MGA: variants seen among roughly 807,000 people sequenced by gnomAD.
MGA encodes MAX dimerization protein MGA.
A neutral mutation model predicts 261.1 loss-of-function variants in MGA; 40 were observed. That is an observed-to-expected ratio of 0.15 (90% CI 0.12 to 0.20). The LOEUF (loss-of-function observed/expected upper bound fraction) is 0.20. Among genes scored for constraint, MGA ranks in the 10% least tolerant of loss-of-function variants. The probability of loss-of-function intolerance (pLI) is 1.00; values close to 1 mark genes in which losing one functional copy is unlikely to be tolerated. For synonymous variants in MGA, 1,302 were observed against 1,290.6 expected (o/e 1.01, Z -0.19); for missense variants, 3,397 against 3,630.5 (o/e 0.94, Z 1.65).
intron 13 of MGA, chr15:41,739,928 A>C: frequency 6.2e-7 from 1 of 1,612,294 alleles, no homozygotes; most frequent in Non-Finnish European, 8.5e-7. Context: ...AGTTACCCGC[A>C]GGCTAAGTTG....
At chr15:41,680,738 G>T (rs2058625059) in intron 2 of MGA, among the ~76,000 whole-genome samples, 1 of 152,160 alleles carries the variant, frequency 6.6e-6, no homozygotes, top group Non-Finnish European at 1.5e-5. Context: ...AACATATAGG[G>T]TACATCACCC....
chr15:41,762,460 G>GTTTTTTTTTTTTTTTTTTTTTTTTTT (rs1491528643), intron 22 of MGA, 98 bp downstream of exon 22: 4 of 190,268 alleles, frequency 2.1e-5, no homozygotes, highest in African/African-American at 1.7e-4. Context: ...AGTTTTGTGT[G>GTTTTTTTTTTTTTTTTTTTTTTTTTT]GTTTTTTTTT....
intron 1 of MGA, among the ~76,000 whole-genome samples, chr15:41,630,254 A>G (rs1439115934): frequency 6.6e-6 from 1 of 152,120 alleles, no homozygotes; most frequent in Non-Finnish European, 1.5e-5. Context: ...TAAATTTGCT[A>G]TGTAATTTTC....
intron 2 of MGA, among the ~76,000 whole-genome samples, chr15:41,690,370 A>G (rs959280726): frequency 2.0e-5 from 3 of 152,234 alleles, no homozygotes; most frequent in Non-Finnish European, 4.4e-5. Context: ...GGCTGTTACG[A>G]ATAATGTTGC....
At chr15:41,685,995 ACT>A (rs1412016194) in intron 2 of MGA, among the ~76,000 whole-genome samples, 7 of 121,636 alleles carry the variant, frequency 5.8e-5, no homozygotes, top group Non-Finnish European at 1.1e-4. Flanking sequence ...ACAGAGTGAG[ACT>A]CTGTCTCAAA....
At chr15:41,732,810 C>T (rs1391383906) in intron 11 of MGA, among the ~76,000 whole-genome samples, 1 of 152,224 alleles carries the variant, frequency 6.6e-6, no homozygotes, top group Non-Finnish European at 1.5e-5. Flanking sequence ...CATTATCCTA[C>T]AGCTCTTGCC....
At chr15:41,746,544 CAA>C (rs869061461) in intron 15 of MGA, among the ~76,000 whole-genome samples, 14 of 61,852 alleles carry the variant, frequency 2.3e-4, no homozygotes, top group South Asian at 6.2e-4. Flanking sequence ...GACTTCGTCT[CAA>C]AAAAAAAAAA....
intron 1 of MGA, among the ~76,000 whole-genome samples, chr15:41,641,560 G>A (rs1035486659): frequency 4.2e-5 from 6 of 143,806 alleles, no homozygotes; most frequent in Non-Finnish European, 7.5e-5. Flanking sequence ...CGTAATCTTA[G>A]CTCACTGCAA....
At chr15:41,719,014 T>C (rs1334659953) in intron 9 of MGA, among the ~76,000 whole-genome samples, 1 of 152,100 alleles carries the variant, frequency 6.6e-6, no homozygotes, top group Non-Finnish European at 1.5e-5. Flanking sequence ...ATCTACAAAA[T>C]AAGCTACTAG....
chr15:41,656,339 C>CTG (rs2057175499), upstream of MGA, among the ~76,000 whole-genome samples: 1 of 43,460 alleles, frequency 2.3e-5, no homozygotes. Context: ...TCTCCCTCTC[C>CTG]TCTCTTCTCT....
Position 41,767,519 on chromosome 15 carries a change from A to G in MGA, c.*239A>G, listed in dbSNP as rs543980278. The stretch of plus-strand genomic sequence containing the variant: ...GTGCTGGGTCCCCTCATCCTCTCTA[A>G]GAAGATGTGATCCATTACTGAACAT... On this transcript the variant is annotated 3_prime_UTR_variant, in exon 24 of 24. Coordinates refer to ENST00000219905, the MANE Select transcript of MGA (RefSeq NM_001164273.2). The G allele has an allele frequency of 1.1e-5, 6 of 540,340 alleles. No individual in the cohort carries two copies. Among genetic ancestry groups the G allele is most frequent in the Non-Finnish European group, 2.0e-5 (6 of 303,902 alleles). The allele number at this position is 540,340 out of a possible 1,614,324, so 33.5% of individuals were successfully genotyped here.
Position 41,762,306 on chromosome 15 carries a change from T to C in MGA, c.7688T>C (p.Ile2563Thr). The C allele has an allele frequency of 1.2e-6, 2 of 1,613,858 alleles. No homozygotes were observed. The highest frequency in any genetic ancestry group is 1.7e-6 in the Non-Finnish European group (2 of 1,179,856). The change falls in exon 22 of 24, where the codon ATA becomes ACA. Residue 2563 changes from isoleucine (I) to threonine (T), a missense_variant. By Grantham distance (89) the Ile-to-Thr change is moderately conservative. Transcript: ENST00000219905. ...TCTGTAGATCTTGGACAGATGTTTA[T>C]AAATAACAGGAGGGGGAAACCTTTG...
At chr15:41,700,784 TTAGA>T (rs1328432125) in intron 5 of MGA, among the ~76,000 whole-genome samples, 1 of 152,228 alleles carries the variant, frequency 6.6e-6, no homozygotes, top group Non-Finnish European at 1.5e-5. Context: ...ATCTTTGATT[TTAGA>T]TAGGCATCTT....
intron 11 of MGA, among the ~76,000 whole-genome samples, chr15:41,730,928 A>G (rs2061477198): frequency 6.6e-6 from 1 of 152,204 alleles, no homozygotes; most frequent in Non-Finnish European, 1.5e-5. Flanking sequence ...GAAAAGAAGA[A>G]ACTATGTTAT....
At chr15:41,723,930 G>A (rs1477960649) in intron 9 of MGA, among the ~76,000 whole-genome samples, 2 of 151,340 alleles carry the variant, frequency 1.3e-5, no homozygotes, top group Non-Finnish European at 2.9e-5. Flanking sequence ...GAGATATTAA[G>A]AGAAATATGA....
intron 1 of MGA, among the ~76,000 whole-genome samples, chr15:41,652,300 T>G: frequency 1.1e-5 from 1 of 87,406 alleles, no homozygotes; most frequent in Non-Finnish European, 2.3e-5. Context: ...TTTCCTCCCC[T>G]CCCCTCTGCC....
chr15:41,675,879 A>G (rs2093498648), intron 2 of MGA, among the ~76,000 whole-genome samples: 1 of 152,158 alleles, frequency 6.6e-6, no homozygotes. Flanking sequence ...GATTTCTGTT[A>G]TCTTTTATTC....
chr15:41,638,004 T>C (rs1181038116), intron 1 of MGA, among the ~76,000 whole-genome samples: 1 of 148,096 alleles, frequency 6.8e-6, no homozygotes, highest in Non-Finnish European at 1.5e-5. Context: ...GTACTGGGAT[T>C]ACAGACGTGA....
chr15:41,699,960 G>A (rs1279383004), intron 5 of MGA, among the ~76,000 whole-genome samples: 2 of 150,494 alleles, frequency 1.3e-5, no homozygotes, highest in South Asian at 2.1e-4. Flanking sequence ...TTGAGTTCTG[G>A]GATACGTGTA....
Sources: gnomAD v4.1 joint callset for allele counts (sites outside exome capture counted in the v4.1 genomes callset) on GRCh38, gnomAD v4.1.1 for gene constraint, MANE v1.5 for transcripts, NCBI Gene and HGNC (gene_info 2026-07-23, HGNC 2026-07-21) for gene names.